SETMAR: variants seen among roughly 807,000 people sequenced by gnomAD.
SETMAR encodes histone-lysine N-methyltransferase SETMAR.
A neutral mutation model predicts 58.4 loss-of-function variants in SETMAR; 44 were observed. That is an observed-to-expected ratio of 0.75 (90% CI 0.59 to 0.97). SETMAR has a LOEUF of 0.97. Ranked by LOEUF, SETMAR falls within the 50% of genes least tolerant of loss-of-function variation. The pLI is 0.00. For missense variants in SETMAR, 903 were observed against 840.2 expected, an observed-to-expected ratio of 1.07 and a Z score of -0.92; for synonymous variants, 332 against 307.4, an observed-to-expected ratio of 1.08 and a Z score of -0.84.
Position 4,303,415 on chromosome 3 carries a change from G to A in SETMAR, c.45G>A (p.Ala15=). 1.3e-6 allele frequency: 2 copies of A among 1,555,132 alleles called. No homozygotes were observed. The highest frequency in any genetic ancestry group is 3.4e-4 in the Middle Eastern group (2 of 5,946). Residue 15 remains alanine (A), a synonymous_variant, in exon 1 of 3, where the codon GCG becomes GCA. Transcript: ENST00000358065. ...AAKTTRPCGM[A]EFKEKPEAPT... ...AGACGACACGGCCTTGTGGGATGGC[G>A]GAGTTTAAGGAGAAGCCTGAGGCCC...
chr3:4,316,886 G>T lies in SETMAR; in HGVS notation c.1695G>T (p.Glu565Asp). 1 of 1,549,370 alleles carries T rather than the reference G, an allele frequency of 6.5e-7. No homozygotes were observed. The highest frequency in any genetic ancestry group is 1.2e-5 in the South Asian group (1 of 83,960). The change falls in exon 3 of 3, where the codon GAG becomes GAT. Residue 565 changes from glutamate (E) to aspartate (D), a missense_variant. By Grantham distance (45) the Glu-to-Asp change is conservative. Transcript: ENST00000358065. ...TSEKYAQEID[E>D]MNQKLQRLQL... Reference sequence around the variant, plus strand: ...AGAAGTATGCTCAGGAAATCGATGAGATGAACCAAAAACTGCAACGCCTGC... The same window carrying T: ...AGAAGTATGCTCAGGAAATCGATGATATGAACCAAAAACTGCAACGCCTGC...
intron 2 of SETMAR, among the ~76,000 whole-genome samples, chr3:4,314,803 T>G (rs535211615): frequency 6.6e-6 from 1 of 152,184 alleles, no homozygotes; most frequent in Admixed American, 6.5e-5. Context: ...TTATCAGACA[T>G]TTTGAAAGCT....
chr3:4,316,471 C>A lies in SETMAR; in HGVS notation c.1280C>A (p.Thr427Lys), dbSNP rs749486389. 12 of 1,604,450 alleles carry A rather than the reference C, an allele frequency of 7.5e-6. No individual in the cohort carries two copies. Among genetic ancestry groups the A allele is most frequent in the East Asian group, 4.5e-5 (2 of 44,488 alleles). The change falls in exon 3 of 3, where the codon ACA becomes AAA. Residue 427 changes from threonine to lysine, a missense_variant. Transcript: ENST00000358065. Reference protein sequence around the residue: ...LRAIIEADPLTTTREVAEELN... With the variant: ...LRAIIEADPLKTTREVAEELN... ...GCAATCATCGAAGCTGATCCCCTTACAACTACACGAGAAGTTGCTGAAGAA... is the reference window on the plus strand; with the variant it reads ...GCAATCATCGAAGCTGATCCCCTTAAAACTACACGAGAAGTTGCTGAAGAA...
chr3:4,315,493 G>A (rs1698599883), intron 2 of SETMAR, among the ~76,000 whole-genome samples: 1 of 152,030 alleles, frequency 6.6e-6, no homozygotes, highest in East Asian at 1.9e-4. Context: ...GACTGAATAT[G>A]GACCCCTGGA....
At position 4,316,904 on chromosome 3, in the gene SETMAR, A is replaced by G. The variant is rs1330251892; in HGVS notation, c.1713A>G (p.Gln571=). 6.5e-7 allele frequency: 1 copy of G among 1,549,276 alleles called. No homozygotes were observed. Among genetic ancestry groups the G allele is most frequent in the African/African-American group, 1.4e-5 (1 of 72,952 alleles). The change falls in exon 3 of 3, where the codon CAA becomes CAG. Residue 571 remains glutamine (Q), a synonymous_variant. Coordinates refer to ENST00000358065, the MANE Select transcript of SETMAR (RefSeq NM_006515.4). ...QEIDEMNQKL[Q]RLQLALVNRK... ...TCGATGAGATGAACCAAAAACTGCA[A>G]CGCCTGCAGCTGGCATTGGTCAACA... is the stretch of plus-strand genomic sequence containing the variant.
At chr3:4,306,015 A>G (rs867970953) in intron 1 of SETMAR, among the ~76,000 whole-genome samples, 1 of 152,208 alleles carries the variant, frequency 6.6e-6, no homozygotes, top group Non-Finnish European at 1.5e-5. Context: ...AATTCAACAA[A>G]TATTTATTGA....
In SETMAR at chr3:4,313,288, C is replaced by A. The variant is rs755465782; in HGVS notation, c.547C>A (p.His183Asn). The stretch of plus-strand genomic sequence containing the variant: ...ATTCTCTGAAGTTCAGAGAAGAATT[C>A]ACTTACAAACAAAATCCGACTCCAA... ...LGFSEVQRRIHLQTKSDSNYI... is the reference protein window; with the variant it reads ...LGFSEVQRRINLQTKSDSNYI... Residue 183 changes from histidine to asparagine, a missense_variant, in exon 2 of 3, where the codon CAC becomes AAC. Coordinates refer to ENST00000358065, the MANE Select transcript of SETMAR (RefSeq NM_006515.4). 31 of 1,613,720 alleles carry A rather than the reference C, an allele frequency of 1.9e-5. No individual in the cohort carries two copies. The Admixed American group carries it at 5.2e-4, about 27-fold the overall frequency.
intron 2 of SETMAR, among the ~76,000 whole-genome samples, chr3:4,315,071 A>T (rs1214037726): frequency 6.6e-6 from 1 of 152,196 alleles, no homozygotes; most frequent in Non-Finnish European, 1.5e-5. Context: ...ATTACATGGA[A>T]TGGTTCCCTG....
In SETMAR at chr3:4,303,501, C is replaced by G; in HGVS notation, c.131C>G (p.Pro44Arg). Reference sequence around the variant, plus strand: ...AACTTGCCGGTGGGCGCGTGGCCCCCGGGGGCCGCGCCGGCGCCCTTCCAG... The same window carrying G: ...AACTTGCCGGTGGGCGCGTGGCCCCGGGGGGCCGCGCCGGCGCCCTTCCAG... ...QENLPVGAWP[P>R]GAAPAPFQYT... Residue 44 changes from proline (P) to arginine (R), a missense_variant, in exon 1 of 3, where the codon CCG (proline) becomes CGG (arginine). Transcript: ENST00000358065. 1.4e-6 allele frequency: 2 copies of G among 1,452,584 alleles called. No homozygotes were observed. The highest frequency in any genetic ancestry group is 1.8e-6 in the Non-Finnish European group (2 of 1,107,982). 90.0% of individuals were successfully genotyped at this position (1,452,584 alleles called of 1,614,324 possible).
chr3:4,305,056 A>G (rs1698132909), intron 1 of SETMAR, among the ~76,000 whole-genome samples: 1 of 152,118 alleles, frequency 6.6e-6, no homozygotes, highest in African/African-American at 2.4e-5. Context: ...GTTTGTCTGA[A>G]GACCTGGGAT....
intron 1 of SETMAR, chr3:4,303,925 A>G: frequency 1.7e-6 from 2 of 1,178,018 alleles, no homozygotes; most frequent in Non-Finnish European, 2.2e-6. Context: ...GCATAAAAAC[A>G]GCCCCTCGAG....
At chr3:4,311,664 C>A (rs748623055) in intron 1 of SETMAR, among the ~76,000 whole-genome samples, 37 of 152,204 alleles carry the variant, frequency 2.4e-4, no homozygotes, top group Non-Finnish European at 4.7e-4. Flanking sequence ...AGCTCTCAGG[C>A]AGAGCCAAAT....
chr3:4,304,506 A>C (rs2125071527), intron 1 of SETMAR, among the ~76,000 whole-genome samples: 1 of 152,360 alleles, frequency 6.6e-6, no homozygotes, highest in South Asian at 2.1e-4. Flanking sequence ...GAATGACCAA[A>C]GATTTTGAAG....
intron 1 of SETMAR, among the ~76,000 whole-genome samples, chr3:4,304,354 C>A (rs1024248603): frequency 1.3e-5 from 2 of 152,164 alleles, no homozygotes; most frequent in Non-Finnish European, 2.9e-5. Flanking sequence ...GTTGGTCAGG[C>A]TGGTCTCGAA....
chr3:4,310,757 A>C (rs1426407910), intron 1 of SETMAR, among the ~76,000 whole-genome samples: 1 of 152,196 alleles, frequency 6.6e-6, no homozygotes, highest in Non-Finnish European at 1.5e-5. Flanking sequence ...AGTTGATTTT[A>C]AAAGAAGTTA....
At chr3:4,308,417 A>G (rs1698276311) in intron 1 of SETMAR, among the ~76,000 whole-genome samples, 1 of 152,104 alleles carries the variant, frequency 6.6e-6, no homozygotes, top group Non-Finnish European at 1.5e-5. Context: ...TTAGTAATGT[A>G]AAGTAATTTG....
intron 1 of SETMAR, among the ~76,000 whole-genome samples, chr3:4,306,456 G>T (rs1559213228): frequency 6.6e-6 from 1 of 152,174 alleles, no homozygotes; most frequent in Non-Finnish European, 1.5e-5. Context: ...TACATCTACA[G>T]TTGGTGGGCA....
At chr3:4,303,604 C>T in intron 1 of SETMAR, 78 bp downstream of exon 1, 1 of 1,373,706 alleles carries the variant, frequency 7.3e-7, no homozygotes, top group Non-Finnish European at 9.4e-7. Context: ...CTCGCTGGGA[C>T]GGCCTCCCAG....
At chr3:4,315,486 T>C (rs922444696) in intron 2 of SETMAR, among the ~76,000 whole-genome samples, 8 of 152,174 alleles carry the variant, frequency 5.3e-5, no homozygotes, top group African/African-American at 1.9e-4. Flanking sequence ...GACAACTGAC[T>C]GAATATGGAC....
Sources: allele counts gnomAD v4.1 joint callset (sites outside exome capture counted in the v4.1 genomes callset), GRCh38; gene constraint gnomAD v4.1.1; transcripts MANE v1.5; gene names NCBI Gene and HGNC (gene_info 2026-07-23, HGNC 2026-07-21).